Variants in FASTKD1 observed in about 807,000 individuals in gnomAD.
FASTKD1 encodes FAST kinase domains 1, also known as FAST kinase domain-containing protein 1, mitochondrial.
A neutral mutation model predicts 90.9 loss-of-function variants in FASTKD1; 94 were observed. The ratio of observed to expected loss-of-function variants is 1.03; its 90% CI spans 0.88 to 1.23. FASTKD1 has a LOEUF of 1.23. FASTKD1 is among the 50% of genes most tolerant of loss of function. The pLI, the probability that FASTKD1 is intolerant of heterozygous loss-of-function variation, is 0.00. For synonymous variants in FASTKD1, 319 were observed against 345.8 expected, an observed-to-expected ratio of 0.92 and a Z score of 0.86; for missense variants, 945 against 993.5, an observed-to-expected ratio of 0.95 and a Z score of 0.66.
chr2:169,547,626 T>G (rs1685262450), intron 7 of FASTKD1, among the ~76,000 whole-genome samples: 1 of 151,880 alleles, frequency 6.6e-6, no homozygotes, highest in African/African-American at 2.4e-5. Context: ...CCAGGCACGG[T>G]GGCTCATGTC....
chr2:169,557,652 T>G (rs1302871687), intron 5 of FASTKD1, among the ~76,000 whole-genome samples: 1 of 152,230 alleles, frequency 6.6e-6, no homozygotes, highest in Non-Finnish European at 1.5e-5. Context: ...AAATGAACAG[T>G]TGATATTCTG....
chr2:169,563,412 T>C, intron 3 of FASTKD1, 62 bp from the exon 4 acceptor site: 1 of 1,182,028 alleles, frequency 8.5e-7, no homozygotes, highest in Non-Finnish European at 1.1e-6. Flanking sequence ...ACACATAATA[T>C]ATAGTTATAA....
At chr2:169,562,004 C>A (rs186903654) in intron 4 of FASTKD1, among the ~76,000 whole-genome samples, 1 of 73,686 alleles carries the variant, frequency 1.4e-5, no homozygotes, top group African/African-American at 5.4e-5. Context: ...ATTAATTATT[C>A]ATTAATTTAT....
At chr2:169,566,133 G>A (rs760263755) in intron 3 of FASTKD1, among the ~76,000 whole-genome samples, 1 of 151,948 alleles carries the variant, frequency 6.6e-6, no homozygotes, top group African/African-American at 2.4e-5. Flanking sequence ...GTGTACTCTC[G>A]CTTCACTTTG....
chr2:169,568,541 C>T (rs188670391), intron 3 of FASTKD1, among the ~76,000 whole-genome samples: 7 of 144,750 alleles, frequency 4.8e-5, no homozygotes, highest in Middle Eastern at 3.6e-3. Context: ...GCATATAAAC[C>T]CAGCACTTTG....
At chr2:169,564,856 C>A (rs572866692) in intron 3 of FASTKD1, among the ~76,000 whole-genome samples, 2 of 151,854 alleles carry the variant, frequency 1.3e-5, no homozygotes, top group Admixed American at 1.3e-4. Context: ...TTTCACTTAA[C>A]ATAATAATCT....
intron 3 of FASTKD1, among the ~76,000 whole-genome samples, chr2:169,564,636 A>T (rs13016406): frequency 0.13 from 19,052 of 152,066 alleles, 1,478 homozygotes; most frequent in Non-Finnish European, 0.18. Flanking sequence ...GACTATAGTC[A>T]CCCTGTTGTG....
At chr2:169,543,094 CCAAT>C (rs766593506) in intron 9 of FASTKD1, among the ~76,000 whole-genome samples, 3 of 151,950 alleles carry the variant, frequency 2.0e-5, no homozygotes, top group Non-Finnish European at 2.9e-5. Flanking sequence ...TAAGAAATGG[CCAAT>C]CATTTTATAA....
intron 10 of FASTKD1, among the ~76,000 whole-genome samples, chr2:169,539,139 A>G (rs1684856710): frequency 6.6e-6 from 1 of 151,868 alleles, no homozygotes; most frequent in Admixed American, 6.6e-5. Flanking sequence ...ATGGTGGCAC[A>G]TACTTATAAT....
chr2:169,558,954 T>C (rs1268889297), intron 5 of FASTKD1, among the ~76,000 whole-genome samples: 7 of 151,620 alleles, frequency 4.6e-5, no homozygotes, highest in African/African-American at 1.7e-4. Flanking sequence ...TGCTCTTAAA[T>C]TTTTTCATAT....
At chr2:169,571,470 A>T (rs1684226507) in intron 2 of FASTKD1, among the ~76,000 whole-genome samples, 183 bp downstream of exon 2, 1 of 152,056 alleles carries the variant, frequency 6.6e-6, no homozygotes, top group South Asian at 2.1e-4. Context: ...AGGCTGAGGC[A>T]GGAGAATGGC....
chr2:169,548,954 G>A (rs1390281020), intron 7 of FASTKD1, among the ~76,000 whole-genome samples: 9 of 151,718 alleles, frequency 5.9e-5, no homozygotes, highest in Admixed American at 1.3e-4. Context: ...AGAGTTAGCC[G>A]GGCATGGTGG....
intron 3 of FASTKD1, among the ~76,000 whole-genome samples, chr2:169,566,086 G>T (rs535551827): frequency 1.3e-5 from 2 of 152,174 alleles, no homozygotes; most frequent in Non-Finnish European, 1.5e-5. Context: ...TTAATCCCTT[G>T]TCAGATGGGT....
At chr2:169,553,271 CAAAAA>C (rs374454211) in intron 7 of FASTKD1, among the ~76,000 whole-genome samples, 1 of 79,202 alleles carries the variant, frequency 1.3e-5, no homozygotes, top group Non-Finnish European at 2.2e-5. Context: ...TAAAAGCATG[CAAAAA>C]AAAAAAAAAA....
At chr2:169,553,863 A>G (rs1685612165) in intron 7 of FASTKD1, among the ~76,000 whole-genome samples, 2 of 152,272 alleles carry the variant, frequency 1.3e-5, no homozygotes, top group Admixed American at 6.5e-5. Context: ...CAGAGCTTGC[A>G]GTGAGCTGAG....
At chr2:169,561,870 TTTA>T (rs1168152006) in intron 4 of FASTKD1, among the ~76,000 whole-genome samples, 3 of 144,108 alleles carry the variant, frequency 2.1e-5, no homozygotes, top group African/African-American at 5.0e-5. Flanking sequence ...AAAATAATTA[TTTA>T]TTAATTTATT....
At chr2:169,561,800 T>TTTATTAATTTATTGTAAAATAA (rs1559156643) in intron 4 of FASTKD1, among the ~76,000 whole-genome samples, 91 of 132,284 alleles carry the variant, frequency 6.9e-4, no homozygotes, top group Middle Eastern at 4.2e-3. Context: ...TTGTAAATTA[T>TTTATTAATTTATTGTAAAATAA]TTATTAATTT....
At chr2:169,543,560 A>G (rs1417223564) in intron 9 of FASTKD1, among the ~76,000 whole-genome samples, 1 of 152,192 alleles carries the variant, frequency 6.6e-6, no homozygotes, top group Non-Finnish European at 1.5e-5. Context: ...TGGTACTGGT[A>G]ATGATACCAG....
At position 169,536,246 on chromosome 2, in the gene FASTKD1, TAAC is replaced by T. The variant is rs562466052; in HGVS notation, c.2188+978_2188+980del. Among the ~76,000 whole-genome samples the T allele has an allele frequency of 6.0e-4, 91 of 152,330 alleles. 1 individual carries two copies. Among genetic ancestry groups the T allele is most frequent in the Admixed American group, 2.4e-3 (37 of 15,306 alleles). Reference sequence around the variant, plus strand: ...ATCCCCATTTCACTGATGAAGAAGTTAACAAGGTTCAGAAGAACTTGCTCAAGG... The same window carrying T: ...ATCCCCATTTCACTGATGAAGAAGTTAAGGTTCAGAAGAACTTGCTCAAGG... On this transcript the variant is annotated intron_variant, in intron 12 of 14. Coordinates refer to ENST00000453153, the MANE Select transcript of FASTKD1 (RefSeq NM_024622.6).
Sources: gnomAD v4.1 joint callset for allele counts (sites outside exome capture counted in the v4.1 genomes callset) on GRCh38, gnomAD v4.1.1 for gene constraint, MANE v1.5 for transcripts, NCBI Gene and HGNC (gene_info 2026-07-23, HGNC 2026-07-21) for gene names.